Variants in KLF12 observed in about 807,000 individuals in gnomAD.
The protein encoded by KLF12 is Krueppel-like factor 12.
Under a neutral mutation model 37.8 loss-of-function variants are expected in KLF12, and 9 were observed. The observed-to-expected ratio is 0.24, with a 90% CI of 0.14 to 0.42. KLF12 has a LOEUF of 0.42. KLF12 is among the 10% of genes least tolerant of loss of function. The pLI is 1.00. For missense variants in KLF12, 411 were observed against 516.0 expected (o/e 0.80, Z 1.97); for synonymous variants, 208 against 202.1 (o/e 1.03, Z -0.25).
At chr13:73,779,192 C>T (rs1880809027) in intron 5 of KLF12, among the ~76,000 whole-genome samples, 1 of 151,982 alleles carries the variant, frequency 6.6e-6, no homozygotes, top group Non-Finnish European at 1.5e-5. Flanking sequence ...CATAATAAAC[C>T]TCCTTTGACC....
At chr13:74,009,983 T>G (rs1203749314) in intron 1 of KLF12, among the ~76,000 whole-genome samples, 2 of 152,150 alleles carry the variant, frequency 1.3e-5, no homozygotes, top group African/African-American at 4.8e-5. Context: ...AGGGTCTCAC[T>G]CTATCACCCA....
chr13:74,266,130 A>G, the KLF12 span, among the ~76,000 whole-genome samples: 2 of 152,024 alleles, frequency 1.3e-5, no homozygotes, highest in South Asian at 2.1e-4. Context: ...AGTGCAATCA[A>G]CTCTACCTGG....
chr13:74,039,962 A>G (rs567166992), intron 1 of KLF12, among the ~76,000 whole-genome samples: 166 of 152,228 alleles, frequency 1.1e-3, no homozygotes, highest in Non-Finnish European at 1.8e-3. Context: ...CTCGAACACC[A>G]ACTCATGGAT....
intron 6 of KLF12, among the ~76,000 whole-genome samples, chr13:73,739,535 A>T (rs1877797459): frequency 6.6e-6 from 1 of 152,158 alleles, no homozygotes; most frequent in South Asian, 2.1e-4. Context: ...ATCAATAAAA[A>T]AATTAATGAG....
intron 5 of KLF12, among the ~76,000 whole-genome samples, chr13:73,794,713 G>A (rs1376107586): frequency 6.6e-6 from 1 of 152,124 alleles, no homozygotes; most frequent in African/African-American, 2.4e-5. Flanking sequence ...AGCTGTCAGT[G>A]TGTCATTCTG....
intron 1 of KLF12, among the ~76,000 whole-genome samples, chr13:74,094,340 T>C (rs1593894812): frequency 1.3e-5 from 2 of 152,292 alleles, no homozygotes; most frequent in Middle Eastern, 3.4e-3. Flanking sequence ...AAAAAGTATA[T>C]GAATATGCAT....
the KLF12 span, among the ~76,000 whole-genome samples, chr13:74,288,597 A>C: frequency 6.6e-6 from 1 of 152,164 alleles, no homozygotes; most frequent in Non-Finnish European, 1.5e-5. Flanking sequence ...AAACAGTCTG[A>C]TTTCAAAGGA....
intron 3 of KLF12, among the ~76,000 whole-genome samples, chr13:73,855,925 G>C (rs907524473): frequency 5.9e-5 from 9 of 152,164 alleles, no homozygotes; most frequent in Admixed American, 2.6e-4. Flanking sequence ...CTTGGCTTTT[G>C]TCTTCCAGGT....
In KLF12 at chr13:74,109,595, A is replaced by G. The variant is rs1021994501; in HGVS notation, c.-32+24144T>C. Among the ~76,000 whole-genome samples, 9 of 152,212 alleles carry G rather than the reference A, an allele frequency of 5.9e-5. No individual in the cohort carries two copies. In the East Asian group the frequency reaches 1.5e-3, roughly 26 times the overall value. Reference sequence around the variant, plus strand: ...CATGATGTCAAATCATCAATATTTCAAAGAAGAAAATTGTAAGATGTCCAA... The same window carrying G: ...CATGATGTCAAATCATCAATATTTCGAAGAAGAAAATTGTAAGATGTCCAA... On this transcript the variant is annotated intron_variant, in intron 1 of 7. Coordinates refer to ENST00000377669, the MANE Select transcript of KLF12 (RefSeq NM_007249.5).
At chr13:74,113,211 G>C (rs182022201) in intron 1 of KLF12, among the ~76,000 whole-genome samples, 1 of 152,302 alleles carries the variant, frequency 6.6e-6, no homozygotes, top group Non-Finnish European at 1.5e-5. Flanking sequence ...ATGCTGATGG[G>C]GAAGCTGCAA....
chr13:74,233,869 A>C, the KLF12 span, among the ~76,000 whole-genome samples: 29 of 152,218 alleles, frequency 1.9e-4, no homozygotes, highest in Non-Finnish European at 3.7e-4. Flanking sequence ...TTTGCTTTCT[A>C]TATACCAGAA....
chr13:74,196,613 G>T, the KLF12 span, among the ~76,000 whole-genome samples: 1 of 152,116 alleles, frequency 6.6e-6, no homozygotes, highest in Admixed American at 6.6e-5. Context: ...TAAGCTTTCT[G>T]CATCATGAGT....
upstream of KLF12, among the ~76,000 whole-genome samples, chr13:74,138,457 A>G (rs1878620366): frequency 6.6e-6 from 1 of 152,230 alleles, no homozygotes; most frequent in African/African-American, 2.4e-5. Context: ...GAAAGTGAGA[A>G]AGACATGTAA....
Position 73,868,444 on chromosome 13 carries a change from C to G in KLF12, c.124-22071G>C, listed in dbSNP as rs1886300076. ...CTCACTGTCACCCCCAGGCTGGAGT[C>G]CAGTGGCACAATCTCAGCTCACCAC... On this transcript the variant is annotated intron_variant, in intron 3 of 7. Coordinates refer to ENST00000377669, the MANE Select transcript of KLF12 (RefSeq NM_007249.5). Among the ~76,000 whole-genome samples the G allele has an allele frequency of 3.3e-5, 5 of 151,506 alleles. No individual in the cohort carries two copies. In the South Asian group the frequency reaches 1.1e-3, roughly 32 times the overall value.
intron 3 of KLF12, among the ~76,000 whole-genome samples, chr13:73,855,660 T>A (rs1167299241): frequency 6.6e-6 from 1 of 152,096 alleles, no homozygotes; most frequent in African/African-American, 2.4e-5. Context: ...ACTTAAGAAA[T>A]CTCCAAACTG....
chr13:74,293,162 A>G, the KLF12 span, among the ~76,000 whole-genome samples: 1 of 152,174 alleles, frequency 6.6e-6, no homozygotes, highest in Non-Finnish European at 1.5e-5. Flanking sequence ...ATGAGATGTT[A>G]AGACAATGAG....
At chr13:73,929,355 T>C (rs1447582458) in intron 3 of KLF12, among the ~76,000 whole-genome samples, 1 of 152,182 alleles carries the variant, frequency 6.6e-6, no homozygotes, top group Non-Finnish European at 1.5e-5. Flanking sequence ...AGGCAGATAT[T>C]ATAATCCCCA....
intron 6 of KLF12, among the ~76,000 whole-genome samples, chr13:73,736,879 A>G (rs1877503617): frequency 6.6e-6 from 1 of 152,216 alleles, no homozygotes. Flanking sequence ...TTACATACTA[A>G]TAAATATACT....
chr13:74,265,281 G>A, the KLF12 span, among the ~76,000 whole-genome samples: 1 of 152,112 alleles, frequency 6.6e-6, no homozygotes, highest in African/African-American at 2.4e-5. Context: ...CAGAAGTCAG[G>A]CACTTAACCT....
Sources: allele counts gnomAD v4.1 joint callset (sites outside exome capture counted in the v4.1 genomes callset), GRCh38; gene constraint gnomAD v4.1.1; transcripts MANE v1.5; gene names NCBI Gene and HGNC (gene_info 2026-07-23, HGNC 2026-07-21).